The following CYP1A2 variants were observed in gnomAD, a reference collection of about 807,000 sequenced individuals.
CYP1A2 encodes the protein cytochrome P450 1A2.
Under a neutral mutation model 34.7 loss-of-function variants are expected in CYP1A2, and 35 were observed. The observed-to-expected ratio is 1.01, with a 90% CI of 0.77 to 1.34. The LOEUF (loss-of-function observed/expected upper bound fraction) is 1.34, where lower values mean the gene tolerates loss of function less well. Ranked by LOEUF, CYP1A2 falls within the 40% of genes most tolerant of loss-of-function variation. The probability of loss-of-function intolerance (pLI) is 0.00; values close to 1 mark genes in which losing one functional copy is unlikely to be tolerated. For missense variants in CYP1A2, 675 were observed against 675.8 expected (o/e 1.00, Z 0.01); for synonymous variants, 288 against 281.9 (o/e 1.02, Z -0.22).
Position 74,755,448 on chromosome 15 carries a change from C to CTT in CYP1A2, c.*372_*373dup, listed in dbSNP as rs33923017. On this transcript the variant is annotated 3_prime_UTR_variant, in exon 7 of 7. Transcript: ENST00000343932. ...ATTCTTATGCCATATAATTCACCTT[C>CTT]TTTTTTTTTTTTTGTCTGAGACAGA... 0.43 allele frequency: 61,669 copies of CTT among 142,120 alleles called. 17,027 individuals are homozygous for CTT. The highest frequency in any genetic ancestry group is 0.63 in the Non-Finnish European group (42,813 of 67,478). The allele number at this position is 142,120 out of a possible 1,614,324, so 8.8% of individuals were successfully genotyped here.
At chr15:74,753,480 C>A (rs951840747) in intron 6 of CYP1A2, among the ~76,000 whole-genome samples, 14 of 152,122 alleles carry the variant, frequency 9.2e-5, no homozygotes, top group Admixed American at 9.2e-4. Context: ...CCTATAATCC[C>A]AGCAGTTTGG....
intron 6 of CYP1A2, 63 bp from the exon 7 acceptor site, chr15:74,754,728 C>G (rs1355046090): frequency 6.5e-7 from 1 of 1,540,918 alleles, no homozygotes; most frequent in South Asian, 1.2e-5. Context: ...TCTCCCTCCC[C>G]CAGGCACCTC....
Position 74,750,389 on chromosome 15 carries a change from C to G in CYP1A2, c.651C>G (p.Leu217=), listed in dbSNP as rs1277360289. The G allele has an allele frequency of 3.1e-6, 5 of 1,614,062 alleles. No homozygotes were observed. In the African/African-American group the frequency reaches 6.7e-5, roughly 22 times the overall value. Residue 217 remains leucine (L), a synonymous_variant, in exon 2 of 7, where the codon CTC becomes CTG. Transcript: ENST00000343932. The stretch of plus-strand genomic sequence containing the variant: ...TCCCTGAGAGTAGCGATGAGATGCT[C>G]AGCCTCGTGAAGAACACTCATGAGT... ...QHFPESSDEM[L]SLVKNTHEFV...
In CYP1A2 at chr15:74,750,283, G is replaced by A. The variant is rs367873883; in HGVS notation, c.545G>A (p.Gly182Glu). The A allele has an allele frequency of 1.2e-6, 2 of 1,614,088 alleles. No individual in the cohort carries two copies. The highest frequency in any genetic ancestry group is 1.7e-6 in the Non-Finnish European group (2 of 1,180,042). The change falls in exon 2 of 7, where the codon GGG becomes GAG. Residue 182 changes from glycine to glutamate, a missense_variant. Transcript: ENST00000343932. ...AGCAGGTTGCAGGAGCTGATGGCAGGGCCTGGGCACTTCGACCCTTACAAT... is the reference window on the plus strand; with the variant it reads ...AGCAGGTTGCAGGAGCTGATGGCAGAGCCTGGGCACTTCGACCCTTACAAT... ...LISRLQELMA[G>E]PGHFDPYNQV...
chr15:74,749,233 G>A (rs1276776191), intron 1 of CYP1A2, among the ~76,000 whole-genome samples: 1 of 152,158 alleles, frequency 6.6e-6, no homozygotes, highest in African/African-American at 2.4e-5. Flanking sequence ...CCCTGGGGAG[G>A]GGGCATCACA....
chr15:74,755,361 A>G lies in CYP1A2; in HGVS notation c.*273A>G. The G allele has an allele frequency of 3.5e-6, 1 of 283,310 alleles. No individual in the cohort carries two copies. Among genetic ancestry groups the G allele is most frequent in the Non-Finnish European group, 6.2e-6 (1 of 162,542 alleles). 17.5% of individuals were successfully genotyped at this position (283,310 alleles called of 1,614,324 possible). ...GCAAGACCCCATCTCAAAAAAAAAA[A>G]CAAACAAACAAAAAAAAAACCATAT... On this transcript the variant is annotated 3_prime_UTR_variant, in exon 7 of 7. Transcript: ENST00000343932.
At chr15:74,754,770 T>C (rs71651691) in intron 6 of CYP1A2, 21 bp from the exon 7 acceptor site, 4 of 1,598,950 alleles carry the variant, frequency 2.5e-6, no homozygotes, top group Non-Finnish European at 3.4e-6. Context: ...TGAGGTCCCA[T>C]CTCCTCTGTT....
At chr15:74,753,511 A>G (rs1450415112) in intron 6 of CYP1A2, among the ~76,000 whole-genome samples, 1 of 152,128 alleles carries the variant, frequency 6.6e-6, no homozygotes, top group Non-Finnish European at 1.5e-5. Context: ...CAGGCAGATC[A>G]CTTGAGGTCA....
At chr15:74,753,157 C>T in intron 5 of CYP1A2, 27 bp from the exon 6 acceptor site, 2 of 1,600,056 alleles carry the variant, frequency 1.2e-6, no homozygotes, top group East Asian at 2.2e-5. Flanking sequence ...CAGCCCTGAG[C>T]CTCACAGTGC....
At position 74,750,550 on chromosome 15, in the gene CYP1A2, A is replaced by G. The variant is rs752723652; in HGVS notation, c.812A>G (p.His271Arg). The stretch of plus-strand genomic sequence containing the variant: ...TTCCTGCAGAAAACAGTCCAGGAGC[A>G]CTATCAGGACTTTGACAAGGTGAGC... ...LWFLQKTVQE[H>R]YQDFDKNSVR... The change falls in exon 2 of 7, where the codon CAC becomes CGC. Residue 271 changes from histidine to arginine, a missense_variant. Transcript: ENST00000343932. 6.2e-7 allele frequency: 1 copy of G among 1,613,376 alleles called. No individual in the cohort carries two copies. The highest frequency in any genetic ancestry group is 1.3e-5 in the African/African-American group (1 of 74,842).
Position 74,750,062 on chromosome 15 carries a change from G to T in CYP1A2, c.324G>T (p.Arg108=), listed in dbSNP as rs1156477712. ...LVRQGDDFKG[R]PDLYTSTLIT... ...GGCAGGGCGACGATTTCAAGGGCCG[G>T]CCTGACCTCTACACCTCCACCCTCA... The change falls in exon 2 of 7, where the codon CGG becomes CGT. Residue 108 remains arginine (R), a synonymous_variant. Transcript: ENST00000343932. 4 of 1,613,952 alleles carry T rather than the reference G, an allele frequency of 2.5e-6. No homozygotes were observed. Among genetic ancestry groups the T allele is most frequent in the Non-Finnish European group, 3.4e-6 (4 of 1,180,004 alleles).
Position 74,755,570 on chromosome 15 carries a change from C to T in CYP1A2, c.*482C>T, listed in dbSNP as rs1358901712. ...TCAAGCAATCCTCCCACTTCAGCCT[C>T]CCAAGCACCTGGGATTACAAGCATG... is the stretch of plus-strand genomic sequence containing the variant. On this transcript the variant is annotated 3_prime_UTR_variant, in exon 7 of 7. Coordinates refer to ENST00000343932, the MANE Select transcript of CYP1A2 (RefSeq NM_000761.5). 2 of 152,614 alleles carry T rather than the reference C, an allele frequency of 1.3e-5. No homozygotes were observed. Among genetic ancestry groups the T allele is most frequent in the African/African-American group, 4.9e-5 (2 of 41,186 alleles). The allele number at this position is 152,614 out of a possible 1,614,324, so 9.5% of individuals were successfully genotyped here. A position where few individuals can be genotyped will look rare whatever the true frequency, so the allele number is the denominator to read the frequency against.
At chr15:74,753,324 C>A in intron 6 of CYP1A2, 54 bp downstream of exon 6, 1 of 1,394,124 alleles carries the variant, frequency 7.2e-7, no homozygotes, top group Non-Finnish European at 1.0e-6. Flanking sequence ...GTCAGGAAGG[C>A]TGTTTGTCCC....
chr15:74,750,552 T>G lies in CYP1A2; in HGVS notation c.814T>G (p.Tyr272Asp). Reference sequence around the variant, plus strand: ...CCTGCAGAAAACAGTCCAGGAGCACTATCAGGACTTTGACAAGGTGAGCCC... The same window carrying G: ...CCTGCAGAAAACAGTCCAGGAGCACGATCAGGACTTTGACAAGGTGAGCCC... ...WFLQKTVQEH[Y>D]QDFDKNSVRD... The change falls in exon 2 of 7, where the codon TAT (tyrosine) becomes GAT (aspartate). Residue 272 changes from tyrosine (Y) to aspartate (D), a missense_variant. Tyr to Asp is a radical substitution (Grantham distance 160). Transcript: ENST00000343932. 1 of 1,613,388 alleles carries G rather than the reference T, an allele frequency of 6.2e-7. No individual in the cohort carries two copies. The highest frequency in any genetic ancestry group is 8.5e-7 in the Non-Finnish European group (1 of 1,179,532).
chr15:74,750,229 A>G lies in CYP1A2; in HGVS notation c.491A>G (p.His164Arg), dbSNP rs1282443707. 1 of 1,614,168 alleles carries G rather than the reference A, an allele frequency of 6.2e-7. No individual in the cohort carries two copies. Among genetic ancestry groups the G allele is most frequent in the Admixed American group, 1.7e-5 (1 of 60,026 alleles). The change falls in exon 2 of 7, where the codon CAT becomes CGT. Residue 164 changes from histidine to arginine, a missense_variant. His to Arg is a conservative substitution (Grantham distance 29, BLOSUM62 0). Coordinates refer to ENST00000343932, the MANE Select transcript of CYP1A2 (RefSeq NM_000761.5). ...ASSSSCYLEE[H>R]VSKEAKALIS... is the part of the protein sequence containing the mutation. ...TCATCCTCCTGCTACCTGGAGGAGC[A>G]TGTGAGCAAGGAGGCTAAGGCCCTG... is the stretch of plus-strand genomic sequence containing the variant.
At chr15:74,749,175 G>A (rs2063302410) in intron 1 of CYP1A2, among the ~76,000 whole-genome samples, 1 of 152,208 alleles carries the variant, frequency 6.6e-6, no homozygotes, top group Admixed American at 6.5e-5. Context: ...TGAGAGGATG[G>A]GGACTCATCC....
chr15:74,752,973 A>G (rs1020981579), intron 5 of CYP1A2, among the ~76,000 whole-genome samples: 13 of 150,474 alleles, frequency 8.6e-5, no homozygotes, highest in African/African-American at 3.2e-4. Flanking sequence ...AGCCAGGCGC[A>G]AAGAGAAGTT....
intron 5 of CYP1A2, 57 bp from the exon 6 acceptor site, chr15:74,753,127 C>A: frequency 4.2e-6 from 6 of 1,432,610 alleles, no homozygotes; most frequent in Admixed American, 1.7e-5. Flanking sequence ...GAGGTAGGAG[C>A]AACACATGCC....
chr15:74,751,829 ACAGAGGAAGATC>A lies in CYP1A2; in HGVS notation c.1022_1033del (p.Arg341_Gln344del). ...TGTACCTTGTGACCAAGCCTGAGAT[ACAGAGGAAGATC>A]CAGAAGGAGCTGGGTACATGGGGGC... On this transcript the variant is annotated inframe_deletion, in exon 4 of 7. Transcript: ENST00000343932. 1.2e-6 allele frequency: 2 copies of A among 1,614,130 alleles called. No homozygotes were observed. The highest frequency in any genetic ancestry group is 1.7e-6 in the Non-Finnish European group (2 of 1,180,002).
Sources: gnomAD v4.1 joint callset for allele counts (sites outside exome capture counted in the v4.1 genomes callset) on GRCh38, gnomAD v4.1.1 for gene constraint, MANE v1.5 for transcripts, NCBI Gene and HGNC (gene_info 2026-07-23, HGNC 2026-07-21) for gene names.